The following IGFL2 variants were observed in gnomAD, a reference collection of about 807,000 sequenced individuals.
IGFL2 encodes IGF like family member 2, also known as insulin growth factor-like family member 2.
A neutral mutation model predicts 13.9 loss-of-function variants in IGFL2; 7 were observed. The observed-to-expected ratio is 0.51, with a 90% confidence interval of 0.29 to 0.95. The LOEUF (loss-of-function observed/expected upper bound fraction) is 0.95, where lower values mean the gene tolerates loss of function less well. Ranked by LOEUF, IGFL2 falls within the 40% of genes least tolerant of loss-of-function variation. The pLI is 0.08. For synonymous variants in IGFL2, 55 were observed against 55.8 expected, an observed-to-expected ratio of 0.99 and a Z score of 0.07; for missense variants, 138 against 147.8, an observed-to-expected ratio of 0.93 and a Z score of 0.34.
chr19:46,153,050 A>T (rs1973593945), intron 1 of IGFL2, among the ~76,000 whole-genome samples: 1 of 152,110 alleles, frequency 6.6e-6, no homozygotes, highest in African/African-American at 2.4e-5. Flanking sequence ...TTCTTTATAT[A>T]TGCTGCTGGA....
At chr19:46,096,306 A>G in the IGFL2 span, among the ~76,000 whole-genome samples, 57 of 152,056 alleles carry the variant, frequency 3.7e-4, 1 homozygote, top group South Asian at 9.1e-3. Flanking sequence ...TTCATCCATG[A>G]TTTGTCTCTC....
At chr19:46,105,269 C>T in the IGFL2 span, among the ~76,000 whole-genome samples, 45 of 152,236 alleles carry the variant, frequency 3.0e-4, no homozygotes, top group Middle Eastern at 3.4e-3. Flanking sequence ...AATATTGATG[C>T]GTAGTCCTTT....
the IGFL2 span, among the ~76,000 whole-genome samples, chr19:46,168,767 T>C: frequency 6.6e-6 from 1 of 152,230 alleles, no homozygotes; most frequent in African/African-American, 2.4e-5. Flanking sequence ...TTCTCAAGCT[T>C]GGCCCAAATA....
chr19:46,144,368 T>G (rs1227192060), upstream of IGFL2, among the ~76,000 whole-genome samples: 2 of 152,214 alleles, frequency 1.3e-5, no homozygotes, highest in Non-Finnish European at 1.5e-5. Flanking sequence ...AAGTCATGAC[T>G]TGCTGATACC....
the IGFL2 span, among the ~76,000 whole-genome samples, chr19:46,177,323 G>T: frequency 6.6e-6 from 1 of 152,184 alleles, no homozygotes; most frequent in African/African-American, 2.4e-5. Flanking sequence ...AGCCTGGGAG[G>T]CAGAGGTTGT....
At chr19:46,163,273 T>C (rs920191973), downstream of IGFL2, among the ~76,000 whole-genome samples, 16 of 152,164 alleles carry the variant, frequency 1.1e-4, no homozygotes, top group Non-Finnish European at 1.2e-4. Context: ...AGCTCTGGGG[T>C]GATCTCAGTG....
chr19:46,132,648 G>A, the IGFL2 span, among the ~76,000 whole-genome samples: 20 of 150,734 alleles, frequency 1.3e-4, no homozygotes, highest in African/African-American at 4.9e-4. Flanking sequence ...GAGGAAGAGG[G>A]AGGGAAAACG....
intron 1 of IGFL2, chr19:46,160,187 C>T (rs1196924731): frequency 1.8e-6 from 1 of 562,878 alleles, no homozygotes; most frequent in Non-Finnish European, 3.2e-6. Context: ...CGAAGATATT[C>T]CAAGAGTTTT....
At chr19:46,195,542 T>C in the IGFL2 span, among the ~76,000 whole-genome samples, 1 of 152,136 alleles carries the variant, frequency 6.6e-6, no homozygotes, top group Admixed American at 6.5e-5. Flanking sequence ...TGTCTTTGCT[T>C]ATATACACGC....
the IGFL2 span, among the ~76,000 whole-genome samples, chr19:46,115,731 C>A: frequency 2.0e-5 from 3 of 152,198 alleles, no homozygotes; most frequent in South Asian, 6.2e-4. Flanking sequence ...AGGCCAGCTG[C>A]TCTTGACATG....
At chr19:46,131,217 A>G in the IGFL2 span, among the ~76,000 whole-genome samples, 1 of 152,026 alleles carries the variant, frequency 6.6e-6, no homozygotes, top group Non-Finnish European at 1.5e-5. Context: ...TCAGTTTTCC[A>G]TTATTAGCTT....
At chr19:46,084,082 C>T in the IGFL2 span, among the ~76,000 whole-genome samples, 2 of 152,080 alleles carry the variant, frequency 1.3e-5, no homozygotes, top group Non-Finnish European at 2.9e-5. Flanking sequence ...TGTTTAATTC[C>T]CATGTCTTTG....
the IGFL2 span, among the ~76,000 whole-genome samples, chr19:46,092,587 G>C: frequency 6.6e-6 from 1 of 151,968 alleles, no homozygotes. Context: ...AGCTGAGATT[G>C]CACCACTGTA....
the IGFL2 span, among the ~76,000 whole-genome samples, chr19:46,118,233 T>C: frequency 6.6e-6 from 1 of 152,206 alleles, no homozygotes; most frequent in African/African-American, 2.4e-5. Context: ...AGATGAATCA[T>C]AACGGCTGAA....
chr19:46,150,126 A>C (rs1973395250), intron 1 of IGFL2, among the ~76,000 whole-genome samples: 1 of 152,222 alleles, frequency 6.6e-6, no homozygotes. Context: ...CTTGGTAAAT[A>C]ACAATGCTGA....
chr19:46,188,986 C>T, the IGFL2 span, among the ~76,000 whole-genome samples: 1 of 151,922 alleles, frequency 6.6e-6, no homozygotes, highest in African/African-American at 2.4e-5. Flanking sequence ...TCCCCATGTG[C>T]GGAGACGAGA....
At chr19:46,186,262 G>A in the IGFL2 span, among the ~76,000 whole-genome samples, 6 of 152,198 alleles carry the variant, frequency 3.9e-5, no homozygotes, top group African/African-American at 4.8e-5. Context: ...GGGCACCCCC[G>A]CCGACCTGAA....
chr19:46,124,036 C>T, the IGFL2 span: 14 of 1,611,306 alleles, frequency 8.7e-6, no homozygotes, highest in East Asian at 6.8e-5. Context: ...GCCACAGCGG[C>T]GGGTCTCCTT....
the IGFL2 span, among the ~76,000 whole-genome samples, chr19:46,121,788 C>G: frequency 2.7e-5 from 4 of 150,814 alleles, no homozygotes; most frequent in Non-Finnish European, 4.4e-5. Flanking sequence ...ACAGCAAGTG[C>G]GGAGCTGACT....
Sources: gnomAD v4.1 joint callset for allele counts (sites outside exome capture counted in the v4.1 genomes callset) on GRCh38, gnomAD v4.1.1 for gene constraint, MANE v1.5 for transcripts, NCBI Gene and HGNC (gene_info 2026-07-23, HGNC 2026-07-21) for gene names.